The following RORA variants were observed in gnomAD, a reference collection of about 807,000 sequenced individuals.
The protein encoded by RORA is nuclear receptor ROR-alpha.
Under a neutral mutation model 69.5 loss-of-function variants are expected in RORA, and 7 were observed. The observed-to-expected ratio is 0.10, with a 90% CI of 0.06 to 0.19. The LOEUF is 0.19. Among genes scored for constraint, RORA ranks in the 10% least tolerant of loss-of-function variants. The probability of loss-of-function intolerance (pLI) is 1.00; values close to 1 mark genes in which losing one functional copy is unlikely to be tolerated. For synonymous variants in RORA, 261 were observed against 240.8 expected (o/e 1.08, Z -0.78); for missense variants, 457 against 663.0 (o/e 0.69, Z 3.41).
intron 1 of RORA, among the ~76,000 whole-genome samples, chr15:60,775,916 C>G (rs1410015215): frequency 1.3e-5 from 2 of 152,180 alleles, no homozygotes; most frequent in Admixed American, 1.3e-4. Context: ...CATCTCCTAC[C>G]TGGGGCTTCG....
intron 1 of RORA, chr15:60,841,014 C>CT: frequency 1.2e-6 from 1 of 844,480 alleles, no homozygotes; most frequent in Non-Finnish European, 1.4e-6. Flanking sequence ...ACAACGATAC[C>CT]TTACGGAAGC....
intron 1 of RORA, among the ~76,000 whole-genome samples, chr15:60,737,381 C>T (rs570641603): frequency 3.9e-5 from 6 of 152,300 alleles, no homozygotes; most frequent in South Asian, 4.1e-4. Flanking sequence ...AAGAGCACCA[C>T]CTATTGGCAA....
intron 1 of RORA, among the ~76,000 whole-genome samples, chr15:61,034,131 A>G (rs1355112074): frequency 1.3e-5 from 2 of 152,188 alleles, no homozygotes; most frequent in South Asian, 2.1e-4. Context: ...CTATTTAAAG[A>G]CTGTTAAAGT....
rs1029812946 is a variant in RORA at position 60,840,966 on chromosome 15, G to A, written c.167-162280C>T. 20 of 337,816 alleles carry A rather than the reference G, an allele frequency of 5.9e-5. 1 individual carries two copies. The South Asian group carries it at 8.3e-4, about 14-fold the overall frequency. 20.9% of individuals were successfully genotyped at this position (337,816 alleles called of 1,614,324 possible). A position where few individuals can be genotyped will look rare whatever the true frequency, so the allele number is the denominator to read the frequency against. ...AACTATCTCTGCTGTCACACCACAC[G>A]GGGAGGGAGGGTAGCGACAATACCA... On this transcript the variant is annotated intron_variant, in intron 1 of 10. Coordinates refer to ENST00000335670, the MANE Select transcript of RORA (RefSeq NM_134261.3).
At chr15:61,065,187 G>A (rs2078239744) in intron 1 of RORA, among the ~76,000 whole-genome samples, 4 of 152,152 alleles carry the variant, frequency 2.6e-5, no homozygotes. Flanking sequence ...AACATGACAT[G>A]CCCACAAAAA....
At chr15:61,102,159 G>A (rs2078889287) in intron 1 of RORA, among the ~76,000 whole-genome samples, 1 of 152,124 alleles carries the variant, frequency 6.6e-6, no homozygotes, top group African/African-American at 2.4e-5. Context: ...TGAGGAAAGT[G>A]GATGCTTGAG....
intron 2 of RORA, among the ~76,000 whole-genome samples, chr15:60,609,570 C>A (rs966067972): frequency 2.2e-4 from 33 of 152,100 alleles, no homozygotes; most frequent in Admixed American, 2.2e-3. Flanking sequence ...AGGTGGCCTA[C>A]CTTTCATCAT....
chr15:61,138,929 A>C (rs1383984743), intron 1 of RORA, among the ~76,000 whole-genome samples: 3 of 152,158 alleles, frequency 2.0e-5, no homozygotes, highest in Non-Finnish European at 4.4e-5. Context: ...GTGGACCACG[A>C]GGTCAGGAGA....
At chr15:60,898,129 T>C (rs941371799) in intron 1 of RORA, among the ~76,000 whole-genome samples, 1 of 152,202 alleles carries the variant, frequency 6.6e-6, no homozygotes, top group African/African-American at 2.4e-5. Flanking sequence ...GAGAGCACAA[T>C]GAAGAATACT....
intron 1 of RORA, among the ~76,000 whole-genome samples, chr15:60,911,012 C>T (rs568951894): frequency 2.1e-3 from 309 of 147,780 alleles, no homozygotes; most frequent in Non-Finnish European, 3.6e-3. Context: ...CAATGATTCT[C>T]CTGCTTTAGC....
chr15:60,546,724 G>A (rs1393379654), intron 2 of RORA, among the ~76,000 whole-genome samples: 1 of 152,176 alleles, frequency 6.6e-6, no homozygotes, highest in African/African-American at 2.4e-5. Flanking sequence ...GCGTAACAGA[G>A]GTTTGCTGAG....
chr15:60,875,371 T>G (rs74647685), intron 1 of RORA, among the ~76,000 whole-genome samples: 1,784 of 152,306 alleles, frequency 0.012, 23 homozygotes, highest in Non-Finnish European at 0.019. Context: ...CTATACAATT[T>G]AATGTTCAAA....
chr15:61,189,882 A>AAC (rs2079780836), intron 1 of RORA, among the ~76,000 whole-genome samples: 2 of 149,424 alleles, frequency 1.3e-5, no homozygotes, highest in Admixed American at 6.7e-5. Flanking sequence ...AAAAAAAAAA[A>AAC]CCACAGATAT....
chr15:60,645,593 G>T (rs1241825624), intron 2 of RORA, among the ~76,000 whole-genome samples: 1 of 151,878 alleles, frequency 6.6e-6, no homozygotes, highest in South Asian at 2.1e-4. Flanking sequence ...GGGTTTCACC[G>T]TGTTGCCCAG....
intron 2 of RORA, among the ~76,000 whole-genome samples, chr15:60,569,815 C>A (rs1411599271): frequency 6.6e-6 from 1 of 152,106 alleles, no homozygotes; most frequent in African/African-American, 2.4e-5. Flanking sequence ...CAGGGCCAAG[C>A]AGCTGAAGCA....
rs2065000571 is a variant in RORA at position 60,489,104 on chromosome 15, T to G, written c.*8351A>C. 6.6e-6 allele frequency: 1 copy of G among 151,930 alleles called. No homozygotes were observed. Among genetic ancestry groups the G allele is most frequent in the Non-Finnish European group, 1.5e-5 (1 of 67,950 alleles). The allele number at this position is 151,930 out of a possible 1,614,324, so 9.4% of individuals were successfully genotyped here. A position where few individuals can be genotyped will look rare whatever the true frequency, so the allele number is the denominator to read the frequency against. ...AAGCTTAGGATGCTAAATCGTGCTT[T>G]AAAAAAAAGGTTTCAATCTCTTTCC... is the stretch of plus-strand genomic sequence containing the variant. On this transcript the variant is annotated 3_prime_UTR_variant, in exon 11 of 11. Transcript: ENST00000335670.
rs1431144952 is a variant in RORA at position 60,491,953 on chromosome 15, T to C, written c.*5502A>G. On this transcript the variant is annotated 3_prime_UTR_variant, in exon 11 of 11. Transcript: ENST00000335670. ...TGGGCACATTATTTGATCTATAATA[T>C]AAAGTTGTTTTCATGGGGTTCTATA... is the stretch of plus-strand genomic sequence containing the variant. The C allele has an allele frequency of 6.6e-6, 1 of 152,174 alleles. No individual in the cohort carries two copies. Among genetic ancestry groups the C allele is most frequent in the Non-Finnish European group, 1.5e-5 (1 of 68,020 alleles). 9.4% of individuals were successfully genotyped at this position (152,174 alleles called of 1,614,324 possible).
At chr15:61,126,897 C>G (rs2079147443) in intron 1 of RORA, among the ~76,000 whole-genome samples, 1 of 152,180 alleles carries the variant, frequency 6.6e-6, no homozygotes, top group African/African-American at 2.4e-5. Flanking sequence ...AGTCAATAAA[C>G]TAAGGCAAAC....
At position 60,516,154 on chromosome 15, in the gene RORA, TA is replaced by T. The variant is rs2065920865; in HGVS notation, c.283-1398del. Among the ~76,000 whole-genome samples, 5 of 29,934 alleles carry T rather than the reference TA, an allele frequency of 1.7e-4. 1 individual carries two copies. The highest frequency in any genetic ancestry group is 2.7e-4 in the African/African-American group (2 of 7,316). The allele number at this position is 29,934 out of a possible 152,430, so 19.6% of individuals were successfully genotyped here. ...AAATATATTTATATATATTTATATATATATATTTATATATATATTTATATAT... is the reference window on the plus strand; with the variant it reads ...AAATATATTTATATATATTTATATATTATATTTATATATATATTTATATAT... On this transcript the variant is annotated intron_variant, in intron 3 of 10. Transcript: ENST00000335670.
Sources: gnomAD v4.1 joint callset for allele counts (sites outside exome capture counted in the v4.1 genomes callset) on GRCh38, gnomAD v4.1.1 for gene constraint, MANE v1.5 for transcripts, NCBI Gene and HGNC (gene_info 2026-07-23, HGNC 2026-07-21) for gene names.